The following MACROD2 variants were observed in gnomAD, a reference collection of about 807,000 sequenced individuals.
MACROD2 encodes the protein mono-ADP ribosylhydrolase 2, also known as ADP-ribose glycohydrolase MACROD2.
Under a neutral mutation model 70.4 loss-of-function variants are expected in MACROD2, and 36 were observed. The observed-to-expected ratio is 0.51, with a 90% CI of 0.39 to 0.68. The LOEUF is 0.68. Among genes scored for constraint, MACROD2 ranks in the 30% least tolerant of loss-of-function variants. The probability of loss-of-function intolerance (pLI) is 0.00; values close to 1 mark genes in which losing one functional copy is unlikely to be tolerated. For missense variants in MACROD2, 496 were observed against 538.4 expected (o/e 0.92, Z 0.78); for synonymous variants, 172 against 178.8 (o/e 0.96, Z 0.30).
At chr20:15,612,131 T>C (rs917234956) in intron 8 of MACROD2, among the ~76,000 whole-genome samples, 7 of 151,966 alleles carry the variant, frequency 4.6e-5, no homozygotes, top group Admixed American at 1.3e-4. Context: ...GCTACCTTAG[T>C]AAATAAAACC....
chr20:15,047,365 A>G (rs1048832543), intron 5 of MACROD2, among the ~76,000 whole-genome samples: 7 of 152,302 alleles, frequency 4.6e-5, no homozygotes, highest in East Asian at 3.9e-4. Flanking sequence ...CCTCCTACCT[A>G]CTGAAGGACA....
At chr20:16,049,800 A>T (rs2067433486) in intron 17 of MACROD2, 30 bp from the exon 18 acceptor site, 2 of 1,612,116 alleles carry the variant, frequency 1.2e-6, no homozygotes, top group African/African-American at 2.7e-5. Flanking sequence ...CTTATCTTTA[A>T]TCTAACAAAT....
chr20:14,040,204 G>A (rs1318543038), intron 2 of MACROD2, among the ~76,000 whole-genome samples: 1 of 152,052 alleles, frequency 6.6e-6, no homozygotes, highest in Non-Finnish European at 1.5e-5. Flanking sequence ...AGATGGTATA[G>A]CTACCTATCA....
chr20:14,836,238 G>T (rs13041492), intron 5 of MACROD2, among the ~76,000 whole-genome samples: 32 of 152,140 alleles, frequency 2.1e-4, no homozygotes, highest in African/African-American at 7.2e-4. Flanking sequence ...TTGCTGTTAC[G>T]CTGTAATACC....
intron 12 of MACROD2, 48 bp downstream of exon 12, chr20:15,937,592 A>G (rs368617228): frequency 2.0e-5 from 30 of 1,532,780 alleles, no homozygotes; most frequent in Middle Eastern, 1.7e-4. Flanking sequence ...CTTAAAAGAG[A>G]CTGTTTGGGC....
intron 5 of MACROD2, among the ~76,000 whole-genome samples, chr20:14,714,681 T>C (rs1013523236): frequency 6.6e-6 from 1 of 152,158 alleles, no homozygotes; most frequent in Non-Finnish European, 1.5e-5. Flanking sequence ...TTCCTCTTCC[T>C]GGCATTCTCT....
At chr20:15,824,211 G>C (rs1046396350) in intron 8 of MACROD2, among the ~76,000 whole-genome samples, 1 of 151,986 alleles carries the variant, frequency 6.6e-6, no homozygotes, top group African/African-American at 2.4e-5. Flanking sequence ...ATTTCATTGA[G>C]CCCACTGATA....
At chr20:14,134,811 A>AAC (rs1555924343) in intron 3 of MACROD2, among the ~76,000 whole-genome samples, 20 of 149,924 alleles carry the variant, frequency 1.3e-4, no homozygotes, top group African/African-American at 4.8e-4. Flanking sequence ...CAAAAAAAAA[A>AAC]AAAAAAAAAA....
At chr20:14,680,212 A>C (rs1197386229) in intron 4 of MACROD2, among the ~76,000 whole-genome samples, 4 of 152,188 alleles carry the variant, frequency 2.6e-5, no homozygotes, top group Non-Finnish European at 5.9e-5. Context: ...TCCCTCTTGA[A>C]TCCTTGGTTG....
chr20:14,839,012 G>A (rs760793890), intron 5 of MACROD2, among the ~76,000 whole-genome samples: 2 of 152,034 alleles, frequency 1.3e-5, no homozygotes, highest in East Asian at 1.9e-4. Flanking sequence ...AAGCTATCTC[G>A]AAACAGAAGA....
At chr20:15,916,377 G>C (rs146598447) in intron 10 of MACROD2, among the ~76,000 whole-genome samples, 1 of 152,304 alleles carries the variant, frequency 6.6e-6, no homozygotes, top group African/African-American at 2.4e-5. Context: ...TCATTTTATA[G>C]CCTAATCTCA....
chr20:14,805,284 A>T (rs2072625269), intron 5 of MACROD2, among the ~76,000 whole-genome samples: 1 of 152,084 alleles, frequency 6.6e-6, no homozygotes, highest in Non-Finnish European at 1.5e-5. Flanking sequence ...TGGGCCATGG[A>T]TTGAACATTA....
chr20:15,111,397 C>G (rs1237717671), intron 5 of MACROD2, among the ~76,000 whole-genome samples: 1 of 152,078 alleles, frequency 6.6e-6, no homozygotes, highest in African/African-American at 2.4e-5. Flanking sequence ...GTCTTGATCT[C>G]TTGACCTCAT....
At chr20:15,182,444 C>T (rs545041258) in intron 5 of MACROD2, among the ~76,000 whole-genome samples, 1 of 152,136 alleles carries the variant, frequency 6.6e-6, no homozygotes, top group African/African-American at 2.4e-5. Flanking sequence ...CTAACAAGGT[C>T]ATAAGCTCAG....
At chr20:14,357,641 C>T (rs955666168) in intron 3 of MACROD2, among the ~76,000 whole-genome samples, 7 of 152,212 alleles carry the variant, frequency 4.6e-5, no homozygotes, top group Admixed American at 2.6e-4. Context: ...ACACCAAATA[C>T]AGCCTATAAA....
chr20:15,894,714 G>A (rs2064942836), intron 10 of MACROD2, among the ~76,000 whole-genome samples: 1 of 152,230 alleles, frequency 6.6e-6, no homozygotes, highest in Non-Finnish European at 1.5e-5. Context: ...TTCTGTCAGT[G>A]ATGGCTGTTG....
intron 5 of MACROD2, among the ~76,000 whole-genome samples, chr20:15,090,503 G>A (rs1601058652): frequency 6.6e-6 from 1 of 151,942 alleles, no homozygotes; most frequent in Admixed American, 6.6e-5. Flanking sequence ...CATGCAATTG[G>A]CCTATTTATG....
chr20:14,944,348 CT>C (rs2074413061), intron 5 of MACROD2, among the ~76,000 whole-genome samples: 2 of 152,132 alleles, frequency 1.3e-5, no homozygotes, highest in Admixed American at 1.3e-4. Flanking sequence ...GGGACAGTAT[CT>C]TCAACACATT....
At chr20:15,163,507 A>G (rs567067564) in intron 5 of MACROD2, among the ~76,000 whole-genome samples, 4 of 152,206 alleles carry the variant, frequency 2.6e-5, no homozygotes, top group African/African-American at 7.2e-5. Flanking sequence ...GAATAGTACA[A>G]TTAACAAGCT....
Sources: gnomAD v4.1 joint callset for allele counts (sites outside exome capture counted in the v4.1 genomes callset) on GRCh38, gnomAD v4.1.1 for gene constraint, MANE v1.5 for transcripts, NCBI Gene and HGNC (gene_info 2026-07-23, HGNC 2026-07-21) for gene names.